The following TMEM132D variants were observed in gnomAD, a reference collection of about 807,000 sequenced individuals.
The protein encoded by TMEM132D is transmembrane protein 132D, also known as mature OL transmembrane protein.
Under a neutral mutation model 62.3 loss-of-function variants are expected in TMEM132D, and 21 were observed. That is an observed-to-expected ratio of 0.34 (90% CI 0.24 to 0.49). The LOEUF is 0.49. Among genes scored for constraint, TMEM132D ranks in the 20% least tolerant of loss-of-function variants. The probability of loss-of-function intolerance (pLI) is 0.99; values close to 1 mark genes in which losing one functional copy is unlikely to be tolerated. For synonymous variants in TMEM132D, 621 were observed against 575.6 expected (o/e 1.08, Z -1.13); for missense variants, 1,346 against 1,402.8 (o/e 0.96, Z 0.65).
chr12:129,399,003 C>T (rs544690820), intron 3 of TMEM132D, among the ~76,000 whole-genome samples: 32 of 152,290 alleles, frequency 2.1e-4, no homozygotes, highest in Non-Finnish European at 4.0e-4. Context: ...CAAGGGGCCA[C>T]ATTTGGCAGG....
intron 3 of TMEM132D, among the ~76,000 whole-genome samples, chr12:129,341,600 G>A (rs537140481): frequency 6.6e-6 from 1 of 152,300 alleles, no homozygotes; most frequent in South Asian, 2.1e-4. Flanking sequence ...TTACAGTTAA[G>A]GGAACAAATT....
chr12:129,591,618 T>C (rs1301425079), intron 2 of TMEM132D, among the ~76,000 whole-genome samples: 1 of 151,708 alleles, frequency 6.6e-6, no homozygotes, highest in Non-Finnish European at 1.5e-5. Flanking sequence ...TTATCAAGTG[T>C]TTATTCCAAG....
chr12:129,356,123 T>C (rs994294944), intron 3 of TMEM132D, among the ~76,000 whole-genome samples: 2 of 151,860 alleles, frequency 1.3e-5, no homozygotes, highest in Non-Finnish European at 2.9e-5. Context: ...AATCTCACAG[T>C]CTGCTTCTAG....
chr12:129,796,478 T>C (rs957355463), intron 1 of TMEM132D, among the ~76,000 whole-genome samples: 2 of 152,184 alleles, frequency 1.3e-5, no homozygotes, highest in African/African-American at 4.8e-5. Flanking sequence ...GAAGGTTTGT[T>C]ACATAGGCAA....
chr12:129,677,363 G>A lies in TMEM132D; in HGVS notation c.968+22447C>T, dbSNP rs143147344. Among the ~76,000 whole-genome samples, 174 of 152,252 alleles carry A rather than the reference G, an allele frequency of 1.1e-3. 4 individuals are homozygous for A. In the East Asian group the frequency reaches 0.032, roughly 28 times the overall value. On this transcript the variant is annotated intron_variant, in intron 2 of 8. Transcript: ENST00000422113. ...TGACTTGCTCCTCCTTGCCTTTGCC[G>A]TGATCATGAGGCCTCCCCAACCATG...
chr12:129,515,325 C>T (rs2137076876), intron 3 of TMEM132D, among the ~76,000 whole-genome samples: 1 of 152,168 alleles, frequency 6.6e-6, no homozygotes, highest in African/African-American at 2.4e-5. Flanking sequence ...TACCTTTCCC[C>T]ACATATTAGT....
intron 2 of TMEM132D, among the ~76,000 whole-genome samples, chr12:129,608,434 A>G (rs1406333026): frequency 6.6e-6 from 1 of 152,170 alleles, no homozygotes; most frequent in Non-Finnish European, 1.5e-5. Context: ...TTGTCACTAA[A>G]AAGGGTACCA....
chr12:129,464,797 T>C (rs1412869235), intron 3 of TMEM132D, among the ~76,000 whole-genome samples: 4 of 152,202 alleles, frequency 2.6e-5, no homozygotes, highest in Non-Finnish European at 4.4e-5. Flanking sequence ...TGCGGCGTTA[T>C]ATCTGAGGGC....
intron 2 of TMEM132D, among the ~76,000 whole-genome samples, chr12:129,592,456 T>C (rs1878220025): frequency 6.6e-6 from 1 of 152,224 alleles, no homozygotes; most frequent in African/African-American, 2.4e-5. Flanking sequence ...AATTTGGCAA[T>C]CTCTTTCTTT....
At chr12:129,646,088 T>G (rs1414466847) in intron 2 of TMEM132D, among the ~76,000 whole-genome samples, 1 of 152,184 alleles carries the variant, frequency 6.6e-6, no homozygotes, top group Non-Finnish European at 1.5e-5. Context: ...TTAATAAACT[T>G]TTTTCACTTT....
At chr12:129,839,529 C>CTGGGAT (rs1289854052) in intron 1 of TMEM132D, among the ~76,000 whole-genome samples, 2 of 152,094 alleles carry the variant, frequency 1.3e-5, no homozygotes, top group Non-Finnish European at 1.5e-5. Context: ...TCCCAAAGTG[C>CTGGGAT]TGGGATTATA....
intron 3 of TMEM132D, among the ~76,000 whole-genome samples, chr12:129,403,504 A>G (rs917967516): frequency 3.3e-5 from 5 of 151,906 alleles, no homozygotes; most frequent in Non-Finnish European, 7.4e-5. Flanking sequence ...AATTCAGCTC[A>G]CACACAATTT....
chr12:129,097,612 C>A (rs542545637), intron 5 of TMEM132D, among the ~76,000 whole-genome samples: 4 of 152,108 alleles, frequency 2.6e-5, no homozygotes, highest in Non-Finnish European at 4.4e-5. Context: ...TGAGAAACTA[C>A]AGAAAGGTAA....
In TMEM132D at chr12:129,774,306, T is replaced by C. The variant is rs149783996; in HGVS notation, c.80-73608A>G. Among the ~76,000 whole-genome samples, 425 of 152,294 alleles carry C rather than the reference T, an allele frequency of 2.8e-3. 4 individuals are homozygous for C. The highest frequency in any genetic ancestry group is 9.8e-3 in the African/African-American group (407 of 41,556). On this transcript the variant is annotated intron_variant, in intron 1 of 8. Transcript: ENST00000422113. ...GGATTCATTATTCTTTCTCTTTACGTCCTCATCTCCCTCTACTTCCTGGGC... is the reference window on the plus strand; with the variant it reads ...GGATTCATTATTCTTTCTCTTTACGCCCTCATCTCCCTCTACTTCCTGGGC...
At chr12:129,578,406 T>TTATGTGTGTG (rs1877739760) in intron 2 of TMEM132D, among the ~76,000 whole-genome samples, 2 of 34,662 alleles carry the variant, frequency 5.8e-5, no homozygotes, top group Admixed American at 4.0e-4. Context: ...AGTAATACAA[T>TTATGTGTGTG]TATGTGTGTG....
intron 2 of TMEM132D, among the ~76,000 whole-genome samples, chr12:129,587,501 A>T (rs924528658): frequency 6.6e-6 from 1 of 152,096 alleles, no homozygotes; most frequent in Non-Finnish European, 1.5e-5. Context: ...ACACGAGTTT[A>T]CCTATGTAAC....
At chr12:129,337,965 C>A (rs1869348786) in intron 3 of TMEM132D, 148 bp from the exon 4 acceptor site, 1 of 799,286 alleles carries the variant, frequency 1.3e-6, no homozygotes, top group Admixed American at 3.1e-5. Context: ...TTCAGAGATG[C>A]CATTCCAAAA....
At chr12:129,110,369 C>T (rs1445182702) in intron 5 of TMEM132D, 1 of 152,152 alleles carries the variant, frequency 6.6e-6, no homozygotes, top group Non-Finnish European at 1.5e-5. Context: ...AGAAAGTTCC[C>T]TGTTAGAGAT....
Position 129,177,768 on chromosome 12 carries a change from T to C in TMEM132D, c.1443+31752A>G, listed in dbSNP as rs148454735. On this transcript the variant is annotated intron_variant, in intron 5 of 8. Coordinates refer to ENST00000422113, the MANE Select transcript of TMEM132D (RefSeq NM_133448.3). Reference sequence around the variant, plus strand: ...ATAAGTAAGTTCCCTGACTCTTAATTTTTTTAAATTTTAAGTTCTGGGTAC... The same window carrying C: ...ATAAGTAAGTTCCCTGACTCTTAATCTTTTTAAATTTTAAGTTCTGGGTAC... Among the ~76,000 whole-genome samples the C allele has an allele frequency of 1.2e-4, 18 of 152,282 alleles. No homozygotes were observed. In the East Asian group the frequency reaches 3.1e-3, roughly 26 times the overall value.
Sources: allele counts gnomAD v4.1 joint callset (sites outside exome capture counted in the v4.1 genomes callset), GRCh38; gene constraint gnomAD v4.1.1; transcripts MANE v1.5; gene names NCBI Gene and HGNC (gene_info 2026-07-23, HGNC 2026-07-21).